The following GALNT14 variants were observed in gnomAD, a reference collection of about 807,000 sequenced individuals.
The protein encoded by GALNT14 is polypeptide N-acetylgalactosaminyltransferase 14.
Under a neutral mutation model 77.5 loss-of-function variants are expected in GALNT14, and 60 were observed. That is an observed-to-expected ratio of 0.77 (90% CI 0.63 to 0.96). GALNT14 has a LOEUF of 0.96. Ranked by LOEUF, GALNT14 falls within the 40% of genes least tolerant of loss-of-function variation. The pLI, the probability that GALNT14 is intolerant of heterozygous loss-of-function variation, is 0.00. For missense variants in GALNT14, 710 were observed against 731.0 expected, an observed-to-expected ratio of 0.97 and a Z score of 0.33; for synonymous variants, 280 against 281.7, an observed-to-expected ratio of 0.99 and a Z score of 0.06.
chr2:31,046,284 C>T (rs1266609059), intron 1 of GALNT14, among the ~76,000 whole-genome samples: 36 of 147,894 alleles, frequency 2.4e-4, no homozygotes, highest in African/African-American at 8.8e-4. Context: ...TGGAGTGCAG[C>T]GGCACAATCT....
chr2:30,945,380 T>C (rs1300767455), intron 7 of GALNT14, among the ~76,000 whole-genome samples: 1 of 152,170 alleles, frequency 6.6e-6, no homozygotes. Context: ...TGTGGAGAGC[T>C]GGGGTGGGTC....
chr2:30,918,462 T>C (rs866378238), intron 13 of GALNT14, among the ~76,000 whole-genome samples: 2 of 152,230 alleles, frequency 1.3e-5, no homozygotes, highest in African/African-American at 2.4e-5. Context: ...AAATGCTCAA[T>C]TGCTGTCTGC....
At chr2:31,022,982 G>T (rs1451964864) in intron 1 of GALNT14, among the ~76,000 whole-genome samples, 1 of 152,184 alleles carries the variant, frequency 6.6e-6, no homozygotes, top group Non-Finnish European at 1.5e-5. Context: ...GGGCCCAGAA[G>T]CTCAGGAGGC....
chr2:30,945,657 T>C, intron 7 of GALNT14, 126 bp downstream of exon 7: 3 of 738,784 alleles, frequency 4.1e-6, no homozygotes, highest in Non-Finnish European at 7.0e-6. Context: ...GTAATTATAG[T>C]GCAGGTTGCA....
At chr2:31,072,424 C>T (rs1276731192) in intron 1 of GALNT14, among the ~76,000 whole-genome samples, 2 of 151,676 alleles carry the variant, frequency 1.3e-5, no homozygotes, top group Admixed American at 6.6e-5. Context: ...CTTTCATTTT[C>T]ACCTTCGCCT....
At chr2:30,904,467 C>A in the GALNT14 span, among the ~76,000 whole-genome samples, 1 of 152,186 alleles carries the variant, frequency 6.6e-6, no homozygotes, top group Non-Finnish European at 1.5e-5. Flanking sequence ...CCTGGAAAAT[C>A]AGGTCACTCC....
At chr2:31,023,903 G>A (rs1671884768) in intron 1 of GALNT14, among the ~76,000 whole-genome samples, 1 of 152,080 alleles carries the variant, frequency 6.6e-6, no homozygotes, top group Admixed American at 6.5e-5. Context: ...ACTCCGAGGT[G>A]ACTCCCAAAT....
the GALNT14 span, among the ~76,000 whole-genome samples, chr2:30,894,028 C>T: frequency 2.1e-4 from 32 of 152,008 alleles, no homozygotes; most frequent in East Asian, 1.9e-3. Context: ...ACTTTCTAGG[C>T]GAAAAGGAAA....
chr2:30,992,847 C>T lies in GALNT14; in HGVS notation c.290G>A (p.Arg97His), dbSNP rs113322802. The T allele has an allele frequency of 4.3e-6, 7 of 1,612,958 alleles. No homozygotes were observed. Among genetic ancestry groups the T allele is most frequent in the African/African-American group, 1.3e-5 (1 of 75,012 alleles). Residue 97 changes from arginine (R) to histidine (H), a missense_variant, in exon 2 of 15, where the codon CGC (arginine) becomes CAC (histidine). Arg to His is a conservative substitution (Grantham distance 29). Transcript: ENST00000349752. ...ISSNRAIPDTRHLRCTLLVYC... is the reference protein window; with the variant it reads ...ISSNRAIPDTHHLRCTLLVYC... The stretch of plus-strand genomic sequence containing the variant: ...GAGAAGGAGGAAGTACCTCAGATGG[C>T]GAGTGTCCGGGATGGCCCGATTGCT...
At chr2:31,054,167 T>C (rs72854839) in intron 1 of GALNT14, among the ~76,000 whole-genome samples, 4,183 of 152,344 alleles carry the variant, frequency 0.027, 178 homozygotes, top group African/African-American at 0.094. Flanking sequence ...GGAAGTCCAG[T>C]GCATGCTTTG....
At chr2:30,968,736 G>A (rs1668161916) in intron 2 of GALNT14, among the ~76,000 whole-genome samples, 2 of 152,242 alleles carry the variant, frequency 1.3e-5, no homozygotes, top group Non-Finnish European at 2.9e-5. Context: ...CAGACACTGT[G>A]AAGATAATCG....
At chr2:30,939,770 C>T (rs1666267296) in intron 9 of GALNT14, among the ~76,000 whole-genome samples, 1 of 152,066 alleles carries the variant, frequency 6.6e-6, no homozygotes. Context: ...GCCCTTCCTG[C>T]CACACTCTGG....
rs182369405 is a variant in GALNT14 at position 30,939,084 on chromosome 2, A to G, written c.931+3117T>C. Among the ~76,000 whole-genome samples the G allele has an allele frequency of 6.7e-4, 102 of 152,340 alleles. 1 individual carries two copies. The highest frequency in any genetic ancestry group is 3.4e-3 in the Middle Eastern group (1 of 294). On this transcript the variant is annotated intron_variant, in intron 9 of 14. Coordinates refer to ENST00000349752, the MANE Select transcript of GALNT14 (RefSeq NM_024572.4). The stretch of plus-strand genomic sequence containing the variant: ...CTTTTTGAACCCACATTTAGTGAGT[A>G]GTTTCTACCACTGCTGGCTCAAGAA...
intron 1 of GALNT14, among the ~76,000 whole-genome samples, chr2:31,073,820 T>C (rs1229878048): frequency 6.6e-6 from 1 of 152,184 alleles, no homozygotes; most frequent in Admixed American, 6.5e-5. Flanking sequence ...TTAGCCTCTG[T>C]GGGCAAAAGA....
intron 1 of GALNT14, among the ~76,000 whole-genome samples, chr2:31,099,961 C>T (rs898060563): frequency 5.9e-5 from 9 of 151,964 alleles, no homozygotes; most frequent in Non-Finnish European, 1.2e-4. Flanking sequence ...TATAAATTAA[C>T]TTAAATAGAA....
intron 1 of GALNT14, among the ~76,000 whole-genome samples, chr2:31,055,048 A>G (rs1674124130): frequency 6.6e-6 from 1 of 152,234 alleles, no homozygotes; most frequent in African/African-American, 2.4e-5. Flanking sequence ...AGTGCATTAA[A>G]CCATCTGAAC....
At chr2:31,044,640 G>A (rs72868783) in intron 1 of GALNT14, among the ~76,000 whole-genome samples, 2,559 of 147,100 alleles carry the variant, frequency 0.017, 77 homozygotes, top group African/African-American at 0.059. Context: ...GCTATACTAC[G>A]GGTGAGGTGA....
rs1299728011 is a variant in GALNT14, at chr2:31,131,121, T to C, written c.129+6837A>G. Among the ~76,000 whole-genome samples, 3 of 152,148 alleles carry C rather than the reference T, an allele frequency of 2.0e-5. No homozygotes were observed. The East Asian group carries it at 5.8e-4, about 29-fold the overall frequency. ...TGAGCCAGGAAGAGAGGAATCTCAG[T>C]CACCCCTGGCACTGCCAGTGGCCAC... On this transcript the variant is annotated intron_variant, in intron 1 of 14. Coordinates refer to ENST00000349752, the MANE Select transcript of GALNT14 (RefSeq NM_024572.4).
intron 1 of GALNT14, among the ~76,000 whole-genome samples, chr2:31,010,487 C>T (rs909319638): frequency 8.5e-5 from 13 of 152,176 alleles, no homozygotes; most frequent in Non-Finnish European, 1.8e-4. Context: ...GGGTGGTGAG[C>T]ACCTGTAGTC....
Sources: allele counts gnomAD v4.1 joint callset (sites outside exome capture counted in the v4.1 genomes callset), GRCh38; gene constraint gnomAD v4.1.1; transcripts MANE v1.5; gene names NCBI Gene and HGNC (gene_info 2026-07-23, HGNC 2026-07-21).